RSL1D1: variants seen among roughly 807,000 people sequenced by gnomAD.
RSL1D1 encodes ribosomal L1 domain-containing protein 1.
In RSL1D1, 34 loss-of-function variants were observed where a neutral mutation model predicts 44.6. That is an observed-to-expected ratio of 0.76 (90% confidence interval 0.58 to 1.02). RSL1D1 has a LOEUF of 1.02. Among genes scored for constraint, RSL1D1 ranks in the 50% least tolerant of loss-of-function variants. The pLI is 0.00. For missense variants in RSL1D1, 767 were observed against 568.1 expected (o/e 1.35, Z -3.56); for synonymous variants, 271 against 207.4 (o/e 1.31, Z -2.63).
Position 11,841,798 on chromosome 16 carries a change from A to G in RSL1D1, c.752T>C (p.Leu251Pro). 10 of 1,614,076 alleles carry G rather than the reference A, an allele frequency of 6.2e-6. No individual in the cohort carries two copies. Among genetic ancestry groups the G allele is most frequent in the Non-Finnish European group, 8.5e-6 (10 of 1,179,992 alleles). ...AGCCGATTTCTCAGTTTTCACAAACAGGAGTTTCACGCTCTCCCACTTCTG... is the reference window on the plus strand; with the variant it reads ...AGCCGATTTCTCAGTTTTCACAAACGGGAGTTTCACGCTCTCCCACTTCTG... ...LPEKWESVKL[L>P]FVKTEKSAAL... The change falls in exon 7 of 9, where the codon CTG (leucine) becomes CCG (proline). Residue 251 changes from leucine to proline, a missense_variant. Physicochemically the swap from Leu to Pro is moderately conservative, Grantham distance 98. Transcript: ENST00000571133.
rs2053724799 is a variant in RSL1D1 at position 11,836,939 on chromosome 16, G to T, written c.*848C>A. The T allele has an allele frequency of 6.6e-6, 1 of 152,172 alleles. No homozygotes were observed. The highest frequency in any genetic ancestry group is 1.5e-5 in the Non-Finnish European group (1 of 68,052). 9.4% of individuals were successfully genotyped at this position (152,172 alleles called of 1,614,324 possible). ...GACCTCAAGTCAGACCCACTGATTT[G>T]GAAAGCCAACAGTATACTCAGAAGC... On this transcript the variant is annotated 3_prime_UTR_variant, in exon 9 of 9. Coordinates refer to ENST00000571133, the MANE Select transcript of RSL1D1 (RefSeq NM_015659.3).
intron 5 of RSL1D1, among the ~76,000 whole-genome samples, chr16:11,843,227 G>A (rs2053775253): frequency 6.6e-6 from 1 of 151,296 alleles, no homozygotes; most frequent in Non-Finnish European, 1.5e-5. Context: ...GAACCACTGC[G>A]CCCGGCCTAA....
intron 5 of RSL1D1, among the ~76,000 whole-genome samples, chr16:11,844,358 G>A (rs993993432): frequency 2.0e-5 from 3 of 152,174 alleles, no homozygotes; most frequent in African/African-American, 2.4e-5. Context: ...GCAGGAGACT[G>A]CTGCTCCTTT....
chr16:11,851,255 A>C, intron 1 of RSL1D1, 153 bp downstream of exon 1: 1 of 734,564 alleles, frequency 1.4e-6, no homozygotes, highest in Non-Finnish European at 2.4e-6. Context: ...CCACGTGTGT[A>C]AAGGGGAGAG....
intron 5 of RSL1D1, 124 bp downstream of exon 5, chr16:11,846,377 A>C (rs1387933965): frequency 3.5e-6 from 2 of 568,594 alleles, no homozygotes; most frequent in Non-Finnish European, 6.0e-6. Flanking sequence ...CCTGGCAGAC[A>C]GAGTAAGACT....
intron 5 of RSL1D1, among the ~76,000 whole-genome samples, chr16:11,844,587 C>A (rs1256513852): frequency 6.6e-6 from 1 of 152,244 alleles, no homozygotes; most frequent in Admixed American, 6.5e-5. Context: ...CCAGAGACCA[C>A]CTGTCCTGCC....
In RSL1D1 at chr16:11,850,492, A is replaced by G. The variant is rs2053829657; in HGVS notation, c.106-74T>C. 2.7e-6 allele frequency: 4 copies of G among 1,490,956 alleles called. No homozygotes were observed. In the Admixed American group the frequency reaches 7.5e-5, roughly 28 times the overall value. The allele number at this position is 1,490,956 out of a possible 1,614,324, so 92.4% of individuals were successfully genotyped here. On this transcript the variant is annotated intron_variant, in intron 1 of 8. Coordinates refer to ENST00000571133, the MANE Select transcript of RSL1D1 (RefSeq NM_015659.3). ...TACACAAATAAATGAAATGTTCTCA[A>G]TCTAATTTAGCATTTGCCCCCTCCC...
chr16:11,833,888 A>AAAAACAAATGAACT lies in RSL1D1; in HGVS notation c.*3885_*3898dup, dbSNP rs1338125319. The AAAAACAAATGAACT allele has an allele frequency of 7.4e-6, 1 of 134,528 alleles. No individual in the cohort carries two copies. The highest frequency in any genetic ancestry group is 1.5e-5 in the Non-Finnish European group (1 of 65,980). The allele number at this position is 134,528 out of a possible 1,614,324, so 8.3% of individuals were successfully genotyped here. ...GAAATTTTAATTATTACGATTCCTAAAAAACAAATGAACTAAAACTCAATT... is the reference window on the plus strand; with the variant it reads ...GAAATTTTAATTATTACGATTCCTAAAAAACAAATGAACTAAAACAAATGAACTAAAACTCAATT... On this transcript the variant is annotated 3_prime_UTR_variant, in exon 9 of 9. Coordinates refer to ENST00000571133, the MANE Select transcript of RSL1D1 (RefSeq NM_015659.3).
intron 7 of RSL1D1, 111 bp from the exon 8 acceptor site, chr16:11,840,096 TC>T: frequency 6.8e-7 from 1 of 1,469,494 alleles, no homozygotes; most frequent in South Asian, 1.4e-5. Context: ...TAAATGGACC[TC>T]GATCTATACA....
rs776643373 is a variant in RSL1D1 at position 11,841,833 on chromosome 16, A to G, written c.730-13T>C. 11 of 1,602,150 alleles carry G rather than the reference A, an allele frequency of 6.9e-6. No individual in the cohort carries two copies. The highest frequency in any genetic ancestry group is 1.1e-5 in the South Asian group (1 of 89,904). On this transcript the variant is annotated splice_polypyrimidine_tract_variant and intron_variant, in intron 6 of 8. Coordinates refer to ENST00000571133, the MANE Select transcript of RSL1D1 (RefSeq NM_015659.3). ...CGCTCTCCCACTTCTGAAACAAAGA[A>G]AAGAGTAACATCGTCTACATATACT...
chr16:11,844,222 T>C (rs534230619), intron 5 of RSL1D1, among the ~76,000 whole-genome samples: 2 of 152,094 alleles, frequency 1.3e-5, no homozygotes, highest in Non-Finnish European at 2.9e-5. Context: ...GGAACAGAAG[T>C]GGAAGAGGAA....
Position 11,834,410 on chromosome 16 carries a change from A to G in RSL1D1, c.*3377T>C, listed in dbSNP as rs978560512. On this transcript the variant is annotated 3_prime_UTR_variant, in exon 9 of 9. Transcript: ENST00000571133. The stretch of plus-strand genomic sequence containing the variant: ...CTTTTTCAACAGAGAACATTATTAG[A>G]ATGAAACTAGATGCAAGAACAGGAA... 1 of 152,232 alleles carries G rather than the reference A, an allele frequency of 6.6e-6. No homozygotes were observed. The highest frequency in any genetic ancestry group is 1.5e-5 in the Non-Finnish European group (1 of 68,032). 9.4% of individuals were successfully genotyped at this position (152,232 alleles called of 1,614,324 possible).
intron 5 of RSL1D1, among the ~76,000 whole-genome samples, chr16:11,845,613 GCTCAATA>G: frequency 2.6e-5 from 4 of 152,144 alleles, no homozygotes; most frequent in Non-Finnish European, 4.4e-5. Context: ...CATTTCAAGT[GCTCAATA>G]GCTACATACA....
In RSL1D1 at chr16:11,841,782, C is replaced by T. The variant is rs751891304; in HGVS notation, c.768G>A (p.Glu256=). The T allele has an allele frequency of 6.2e-7, 1 of 1,614,100 alleles. No individual in the cohort carries two copies. Among genetic ancestry groups the T allele is most frequent in the African/African-American group, 1.3e-5 (1 of 75,048 alleles). The change falls in exon 7 of 9, where the codon GAG becomes GAA. Residue 256 remains glutamate, a synonymous_variant. Coordinates refer to ENST00000571133, the MANE Select transcript of RSL1D1 (RefSeq NM_015659.3). The part of the protein sequence containing the change: ...ESVKLLFVKT[E]KSAALPIFSS... The stretch of plus-strand genomic sequence containing the variant: ...AAAAGATGGGAAGTGCAGCCGATTT[C>T]TCAGTTTTCACAAACAGGAGTTTCA...
In RSL1D1 at chr16:11,837,807, T is replaced by A. The variant is rs771090795; in HGVS notation, c.1453A>T (p.Lys485Ter). 1.2e-6 allele frequency: 2 copies of A among 1,609,852 alleles called. No individual in the cohort carries two copies. Among genetic ancestry groups the A allele is most frequent in the Non-Finnish European group, 8.5e-7 (1 of 1,178,208 alleles). ...HTPKKWPKKP[K>*]VPQST ...TGACTTTAGGTCGACTGGGGTACTT[T>A]GGGTTTTTTGGGCCATTTTTTGGGG... The change falls in exon 9 of 9, where the codon AAA (lysine) becomes TAA (stop). Residue 485 changes from lysine (K) to a stop codon, truncating the protein, a stop_gained. Transcript: ENST00000571133. LOFTEE classifies it high-confidence loss of function.
Position 11,841,992 on chromosome 16 carries a change from C to G in RSL1D1, c.644G>C (p.Arg215Pro), listed in dbSNP as rs373615839. The part of the protein sequence containing the change: ...ISKSGSCSAI[R>P]IGHVGMQIEH... Reference sequence around the variant, plus strand: ...AATTTGCATTCCAACGTGACCAATACGTATAGCACTGAAATTTAATATAGT... The same window carrying G: ...AATTTGCATTCCAACGTGACCAATAGGTATAGCACTGAAATTTAATATAGT... The change falls in exon 6 of 9, where the codon CGT (arginine) becomes CCT (proline). Residue 215 changes from arginine to proline, a missense_variant. Transcript: ENST00000571133. The G allele has an allele frequency of 3.1e-6, 5 of 1,608,972 alleles. No homozygotes were observed. Among genetic ancestry groups the G allele is most frequent in the Non-Finnish European group, 4.2e-6 (5 of 1,177,536 alleles).
In RSL1D1 at chr16:11,835,186, T is replaced by G. The variant is rs1028141733; in HGVS notation, c.*2601A>C. On this transcript the variant is annotated 3_prime_UTR_variant, in exon 9 of 9. Coordinates refer to ENST00000571133, the MANE Select transcript of RSL1D1 (RefSeq NM_015659.3). ...TCTAATTTCAGGGAGAGCTAGATGT[T>G]TTTTTTTTTCTCTTTTTTTCAGTTT... 2.7e-5 allele frequency: 4 copies of G among 150,676 alleles called. No homozygotes were observed. Among genetic ancestry groups the G allele is most frequent in the African/African-American group, 7.3e-5 (3 of 40,986 alleles). 9.3% of individuals were successfully genotyped at this position (150,676 alleles called of 1,614,324 possible). A position where few individuals can be genotyped will look rare whatever the true frequency, so the allele number is the denominator to read the frequency against.
intron 2 of RSL1D1, among the ~76,000 whole-genome samples, chr16:11,848,922 C>T (rs925484561): frequency 7.9e-5 from 12 of 151,770 alleles, no homozygotes; most frequent in Non-Finnish European, 1.2e-4. Flanking sequence ...GGATTACAGA[C>T]GCCCACCATC....
intron 5 of RSL1D1, among the ~76,000 whole-genome samples, chr16:11,845,666 G>A (rs575561259): frequency 3.3e-5 from 5 of 152,070 alleles, no homozygotes; most frequent in African/African-American, 1.2e-4. Context: ...ACAGATGCAG[G>A]CCATTTCCAT....
Sources: allele counts gnomAD v4.1 joint callset (sites outside exome capture counted in the v4.1 genomes callset), GRCh38; gene constraint gnomAD v4.1.1; transcripts MANE v1.5; gene names NCBI Gene and HGNC (gene_info 2026-07-23, HGNC 2026-07-21).